Variants in DOCK9 observed in about 807,000 individuals in gnomAD.
DOCK9 encodes dedicator of cytokinesis protein 9.
Under a neutral mutation model 263.3 loss-of-function variants are expected in DOCK9, and 89 were observed. The observed-to-expected ratio is 0.34, with a 90% CI of 0.28 to 0.40. DOCK9 has a LOEUF of 0.40. Ranked by LOEUF, DOCK9 falls within the 10% of genes least tolerant of loss-of-function variation. DOCK9 has a pLI of 1.00. For missense variants in DOCK9, 2,140 were observed against 2,603.4 expected (o/e 0.82, Z 3.87); for synonymous variants, 976 against 973.1 (o/e 1.00, Z -0.06).
At chr13:98,996,589 C>T (rs1881092160) in intron 1 of DOCK9, among the ~76,000 whole-genome samples, 2 of 152,262 alleles carry the variant, frequency 1.3e-5, no homozygotes, top group South Asian at 4.1e-4. Context: ...GTCCAATCCA[C>T]GGCCCAGGGC....
chr13:98,917,855 C>A (rs1481267827), intron 7 of DOCK9, among the ~76,000 whole-genome samples: 1 of 152,078 alleles, frequency 6.6e-6, no homozygotes, highest in East Asian at 1.9e-4. Context: ...ACCTTTGAGC[C>A]GGGGGTTCCA....
chr13:98,982,871 G>A (rs1343648563), upstream of DOCK9, among the ~76,000 whole-genome samples: 2 of 152,136 alleles, frequency 1.3e-5, no homozygotes, highest in African/African-American at 2.4e-5. Flanking sequence ...AAATTTGCTA[G>A]ACGTTTTTTG....
chr13:98,923,222 T>A, intron 5 of DOCK9, 80 bp downstream of exon 5: 1 of 1,401,730 alleles, frequency 7.1e-7, no homozygotes, highest in Non-Finnish European at 1.0e-6. Flanking sequence ...TCGGTAATTT[T>A]CTAACTAATC....
chr13:98,872,306 A>C (rs1180209602), intron 27 of DOCK9, among the ~76,000 whole-genome samples: 1 of 152,170 alleles, frequency 6.6e-6, no homozygotes, highest in Non-Finnish European at 1.5e-5. Context: ...AAATTTACCA[A>C]TGACATTTCC....
intron 52 of DOCK9, among the ~76,000 whole-genome samples, chr13:98,796,598 T>C (rs1010405110): frequency 2.6e-5 from 4 of 152,158 alleles, no homozygotes; most frequent in African/African-American, 9.6e-5. Context: ...TCAGGGAAGA[T>C]GCCCATAGTG....
chr13:98,795,598 G>A (rs1459789482), intron 52 of DOCK9, among the ~76,000 whole-genome samples: 8 of 152,086 alleles, frequency 5.3e-5, no homozygotes, highest in African/African-American at 1.9e-4. Flanking sequence ...ATCTTCTCTA[G>A]TGCCCAATGT....
At chr13:98,824,314 C>G (rs551787597) in intron 45 of DOCK9, 84 bp downstream of exon 45, 8 of 1,213,258 alleles carry the variant, frequency 6.6e-6, no homozygotes, top group Non-Finnish European at 8.5e-6. Flanking sequence ...GAGGAAAAAG[C>G]CCTGGTCTGA....
At chr13:98,916,034 G>T (rs2050832976) in intron 7 of DOCK9, among the ~76,000 whole-genome samples, 2 of 152,226 alleles carry the variant, frequency 1.3e-5, no homozygotes, top group Middle Eastern at 3.4e-3. Flanking sequence ...AATCCCAAAA[G>T]GTATTTGGAC....
chr13:99,058,757 G>A (rs1004338306), intron 1 of DOCK9, among the ~76,000 whole-genome samples: 6 of 152,126 alleles, frequency 3.9e-5, no homozygotes, highest in African/African-American at 1.4e-4. Flanking sequence ...TTCAAGCACT[G>A]CAAGGACTCC....
intron 1 of DOCK9, among the ~76,000 whole-genome samples, chr13:99,000,100 T>G (rs1881986011): frequency 6.6e-6 from 1 of 152,152 alleles, no homozygotes; most frequent in Non-Finnish European, 1.5e-5. Context: ...CTAAATCAGT[T>G]TGGTAAAAGC....
chr13:98,921,399 C>T (rs1249761136), intron 6 of DOCK9, among the ~76,000 whole-genome samples: 3 of 152,218 alleles, frequency 2.0e-5, no homozygotes, highest in Non-Finnish European at 2.9e-5. Context: ...AGGACAGAAA[C>T]TTTCTCTAAA....
At chr13:98,940,736 T>TTTCTCTGG (rs1484248531) in intron 2 of DOCK9, among the ~76,000 whole-genome samples, 14 of 152,234 alleles carry the variant, frequency 9.2e-5, no homozygotes, top group African/African-American at 3.4e-4. Flanking sequence ...CCCCCATTTC[T>TTTCTCTGG]TTCTCTGGTC....
Position 99,075,355 on chromosome 13 carries a change from CTTTTTTTTT to C in DOCK9, c.129+10859_129+10867del, listed in dbSNP as rs142464481. On this transcript the variant is annotated intron_variant, in intron 1 of 32. Transcript: ENST00000427887. Reference sequence around the variant, plus strand: ...TGTTGTTCAAAGGTCAGCTGTAGTACTTTTTTTTTTTTTTTTTTTGAGACAGTCTCACTT... The same window carrying C: ...TGTTGTTCAAAGGTCAGCTGTAGTACTTTTTTTTTTGAGACAGTCTCACTT... Among the ~76,000 whole-genome samples the C allele has an allele frequency of 8.2e-5, 10 of 121,986 alleles. No individual in the cohort carries two copies. The East Asian group carries it at 2.2e-3, about 27-fold the overall frequency. The allele number at this position is 121,986 out of a possible 152,430, so 80.0% of individuals were successfully genotyped here.
rs57196019 is a variant in DOCK9, at chr13:98,974,748, CAAAAAAAAA to C, written c.126+3027_126+3035del. ...CTGGGCAACAAGAGCAACTCTGTCT[CAAAAAAAAA>C]AAAAAAAAAAAAAAAAGAACAACTC... On this transcript the variant is annotated intron_variant, in intron 1 of 52. Coordinates refer to ENST00000682017, the MANE Select transcript of DOCK9 (RefSeq NM_001366683.2). Among the ~76,000 whole-genome samples the C allele has an allele frequency of 1.2e-4, 4 of 33,216 alleles. No individual in the cohort carries two copies. The East Asian group carries it at 4.9e-3, about 41-fold the overall frequency. 21.8% of individuals were successfully genotyped at this position (33,216 alleles called of 152,430 possible). A position where few individuals can be genotyped will look rare whatever the true frequency, so the allele number is the denominator to read the frequency against.
At chr13:98,895,965 A>C (rs1732011400) in intron 15 of DOCK9, among the ~76,000 whole-genome samples, 1 of 152,206 alleles carries the variant, frequency 6.6e-6, no homozygotes, top group African/African-American at 2.4e-5. Flanking sequence ...TATATGGTCC[A>C]GGAACCCTGG....
intron 1 of DOCK9, among the ~76,000 whole-genome samples, chr13:99,051,318 G>C (rs1284045491): frequency 6.6e-6 from 1 of 151,970 alleles, no homozygotes; most frequent in Non-Finnish European, 1.5e-5. Flanking sequence ...ATTTCTGCTT[G>C]AGCCCACAAT....
intron 2 of DOCK9, among the ~76,000 whole-genome samples, chr13:98,941,363 T>C (rs151087872): frequency 2.2e-3 from 342 of 152,332 alleles, no homozygotes; most frequent in African/African-American, 7.7e-3. Flanking sequence ...CGTGAGACTT[T>C]AGACAGTTCC....
At chr13:98,941,007 C>T (rs192761116) in intron 2 of DOCK9, among the ~76,000 whole-genome samples, 14 of 152,116 alleles carry the variant, frequency 9.2e-5, no homozygotes, top group Non-Finnish European at 1.6e-4. Flanking sequence ...TGTGACCAAC[C>T]GTACTAACTT....
intron 30 of DOCK9, among the ~76,000 whole-genome samples, chr13:98,866,786 G>A (rs2094038978): frequency 6.6e-6 from 1 of 152,184 alleles, no homozygotes; most frequent in South Asian, 2.1e-4. Context: ...AATGAATTTT[G>A]GGGGTGAAGC....
Sources: allele counts gnomAD v4.1 joint callset (sites outside exome capture counted in the v4.1 genomes callset), GRCh38; gene constraint gnomAD v4.1.1; transcripts MANE v1.5; gene names NCBI Gene and HGNC (gene_info 2026-07-23, HGNC 2026-07-21).